ABTB3: variants seen among roughly 807,000 people sequenced by gnomAD.
The protein encoded by ABTB3 is ankyrin repeat- and BTB/POZ domain-containing protein 3.
chr12:107,649,866 T>C, the ABTB3 span: 1 of 152,594 alleles, frequency 6.6e-6, no homozygotes, highest in Non-Finnish European at 1.5e-5. Context: ...TTCAACTGGT[T>C]CTAGCCCCGC....
the ABTB3 span, among the ~76,000 whole-genome samples, chr12:107,526,603 CATTA>C: frequency 6.6e-6 from 1 of 151,952 alleles, no homozygotes; most frequent in Admixed American, 6.5e-5. Context: ...AGCTGACAGT[CATTA>C]ATTATAGTGT....
At chr12:107,458,926 G>A in the ABTB3 span, among the ~76,000 whole-genome samples, 1 of 152,232 alleles carries the variant, frequency 6.6e-6, no homozygotes, top group Non-Finnish European at 1.5e-5. Context: ...GGTGTTGGGA[G>A]CTTGGCGGAT....
the ABTB3 span, among the ~76,000 whole-genome samples, chr12:107,470,018 C>CTCTCTCTCTCTCTCTCTCTCTTTCTT: frequency 6.1e-5 from 7 of 115,562 alleles, no homozygotes; most frequent in Non-Finnish European, 1.1e-4. Flanking sequence ...CTTTCTCTCT[C>CTCTCTCTCTCTCTCTCTCTCTTTCTT]TCTCTCTCTC....
At chr12:107,635,525 G>C in the ABTB3 span, 1 of 635,780 alleles carries the variant, frequency 1.6e-6, no homozygotes, top group Non-Finnish European at 2.6e-6. Flanking sequence ...CAGGCCGGGG[G>C]AGATCAGAAT....
the ABTB3 span, among the ~76,000 whole-genome samples, chr12:107,525,733 T>C: frequency 1.3e-5 from 2 of 152,330 alleles, no homozygotes; most frequent in East Asian, 3.9e-4. Flanking sequence ...CAGGGCCTCA[T>C]ATTAAAATCT....
At chr12:107,627,563 G>A in the ABTB3 span, among the ~76,000 whole-genome samples, 22 of 152,280 alleles carry the variant, frequency 1.4e-4, no homozygotes, top group South Asian at 1.2e-3. Flanking sequence ...TCCGTTTCAG[G>A]GTTTTACCTG....
At chr12:107,575,338 G>A in the ABTB3 span, among the ~76,000 whole-genome samples, 47 of 152,188 alleles carry the variant, frequency 3.1e-4, no homozygotes, top group African/African-American at 1.1e-3. Flanking sequence ...AACAATGTTG[G>A]TGATGATGAT....
chr12:107,434,288 C>T, the ABTB3 span, among the ~76,000 whole-genome samples: 2 of 152,150 alleles, frequency 1.3e-5, no homozygotes, highest in African/African-American at 4.8e-5. Context: ...ACAAAGTGGG[C>T]TCTGGTGGCA....
the ABTB3 span, among the ~76,000 whole-genome samples, chr12:107,375,564 G>C: frequency 6.6e-6 from 1 of 152,172 alleles, no homozygotes; most frequent in Non-Finnish European, 1.5e-5. Flanking sequence ...GGAGAAGACC[G>C]GGGGCCCGGT....
At chr12:107,344,825 A>T in the ABTB3 span, among the ~76,000 whole-genome samples, 1 of 152,258 alleles carries the variant, frequency 6.6e-6, no homozygotes, top group Admixed American at 6.5e-5. Flanking sequence ...CACAGACTTA[A>T]TTTAATATTT....
At chr12:107,337,934 C>T in the ABTB3 span, among the ~76,000 whole-genome samples, 2 of 152,330 alleles carry the variant, frequency 1.3e-5, no homozygotes, top group East Asian at 3.9e-4. Context: ...CTCTCTCCAT[C>T]TCTCTTCTAA....
At chr12:107,539,666 CAGAA>C in the ABTB3 span, among the ~76,000 whole-genome samples, 1 of 152,200 alleles carries the variant, frequency 6.6e-6, no homozygotes, top group Non-Finnish European at 1.5e-5. Context: ...TCTCACCACT[CAGAA>C]AGGAGGAAGA....
At chr12:107,634,469 A>G in the ABTB3 span, among the ~76,000 whole-genome samples, 2 of 152,162 alleles carry the variant, frequency 1.3e-5, no homozygotes, top group African/African-American at 4.8e-5. Context: ...GTTGTAACCT[A>G]CTTTTCTTCC....
chr12:107,542,080 C>A, the ABTB3 span, among the ~76,000 whole-genome samples: 9 of 152,150 alleles, frequency 5.9e-5, 1 homozygote, highest in Admixed American at 6.5e-5. Flanking sequence ...GAGGCCAAGG[C>A]GGGCGGATCA....
chr12:107,414,501 A>G, the ABTB3 span, among the ~76,000 whole-genome samples: 1 of 152,184 alleles, frequency 6.6e-6, no homozygotes, highest in Admixed American at 6.5e-5. Context: ...TTGGAAATTA[A>G]AGACATAGTA....
the ABTB3 span, among the ~76,000 whole-genome samples, chr12:107,550,743 A>G: frequency 5.3e-5 from 8 of 151,914 alleles, no homozygotes; most frequent in African/African-American, 1.9e-4. Context: ...ATCATGCCCA[A>G]CTAATTTTTT....
the ABTB3 span, among the ~76,000 whole-genome samples, chr12:107,489,456 G>T: frequency 4.6e-5 from 7 of 152,280 alleles, no homozygotes; most frequent in African/African-American, 1.4e-4. Context: ...GGAGGCAGAG[G>T]TTGCAGTGAG....
At chr12:107,466,339 G>A in the ABTB3 span, among the ~76,000 whole-genome samples, 2 of 152,094 alleles carry the variant, frequency 1.3e-5, no homozygotes, top group Non-Finnish European at 2.9e-5. Context: ...GAGAAGGTGG[G>A]GCGCTTGGGA....
At chr12:107,583,121 A>T in the ABTB3 span, among the ~76,000 whole-genome samples, 3 of 152,198 alleles carry the variant, frequency 2.0e-5, no homozygotes, top group African/African-American at 7.2e-5. Context: ...CCCATGAGTA[A>T]TGTGGAAATA....
Sources: allele counts gnomAD v4.1 joint callset (sites outside exome capture counted in the v4.1 genomes callset), GRCh38; gene constraint gnomAD v4.1.1; transcripts MANE v1.5; gene names NCBI Gene and HGNC (gene_info 2026-07-23, HGNC 2026-07-21).